The following BTRC variants were observed in gnomAD, a reference collection of about 807,000 sequenced individuals.
The protein encoded by BTRC is F-box/WD repeat-containing protein 1A.
Under a neutral mutation model 85.5 loss-of-function variants are expected in BTRC, and 42 were observed. The observed-to-expected ratio is 0.49, with a 90% confidence interval of 0.38 to 0.64. The LOEUF (loss-of-function observed/expected upper bound fraction) is 0.64. Ranked by LOEUF, BTRC falls within the 30% of genes least tolerant of loss-of-function variation. BTRC has a pLI of 0.00. For synonymous variants in BTRC, 255 were observed against 263.3 expected (o/e 0.97, Z 0.30); for missense variants, 594 against 743.5 (o/e 0.80, Z 2.34).
chr10:101,364,369 T>A (rs549926509), intron 1 of BTRC, among the ~76,000 whole-genome samples: 9 of 152,298 alleles, frequency 5.9e-5, no homozygotes, highest in East Asian at 5.8e-4. Context: ...ATCATGGTGC[T>A]ATTCTTCTAT....
chr10:101,529,991 G>A (rs1273486617), intron 6 of BTRC, among the ~76,000 whole-genome samples: 2 of 152,208 alleles, frequency 1.3e-5, no homozygotes, highest in Non-Finnish European at 2.9e-5. Context: ...TCCACACCGT[G>A]TTTGGTGGGT....
intron 1 of BTRC, among the ~76,000 whole-genome samples, chr10:101,360,211 C>T (rs1003685053): frequency 1.3e-5 from 2 of 151,892 alleles, no homozygotes; most frequent in Non-Finnish European, 2.9e-5. Flanking sequence ...TGTGCCACCA[C>T]GCCCAGCTAA....
In BTRC at chr10:101,545,088, C is replaced by G. The variant is rs3127236; in HGVS notation, c.1657-5611C>G. On this transcript the variant is annotated intron_variant, in intron 13 of 14. Coordinates refer to ENST00000370187, the MANE Select transcript of BTRC (RefSeq NM_033637.4). ...AGAAAAAAAGCTAGATTGACAGTGT[C>G]TTTCAGCACTTTAATGATGTCATTC... is the stretch of plus-strand genomic sequence containing the variant. Among the ~76,000 whole-genome samples the G allele has an allele frequency of 3.3e-3, 504 of 152,014 alleles. 5 individuals carry two copies. The highest frequency in any genetic ancestry group is 0.012 in the African/African-American group (484 of 41,500).
intron 2 of BTRC, among the ~76,000 whole-genome samples, chr10:101,448,654 A>C (rs1298273026): frequency 6.6e-6 from 1 of 152,038 alleles, no homozygotes; most frequent in African/African-American, 2.4e-5. Context: ...ATTTTCTCTC[A>C]TTCTAGTTTT....
intron 3 of BTRC, among the ~76,000 whole-genome samples, chr10:101,470,488 A>T (rs1366552918): frequency 6.6e-6 from 1 of 151,916 alleles, no homozygotes; most frequent in Non-Finnish European, 1.5e-5. Flanking sequence ...ATGCGCCACC[A>T]CATGCTAATT....
At chr10:101,507,295 C>T (rs968155479) in intron 4 of BTRC, among the ~76,000 whole-genome samples, 1 of 152,170 alleles carries the variant, frequency 6.6e-6, no homozygotes, top group African/African-American at 2.4e-5. Flanking sequence ...GAAACATAAA[C>T]ACAGCGCTCA....
At chr10:101,434,478 A>G (rs567710393) in intron 2 of BTRC, among the ~76,000 whole-genome samples, 1 of 152,332 alleles carries the variant, frequency 6.6e-6, no homozygotes, top group South Asian at 2.1e-4. Context: ...AACATGTATA[A>G]AACTAATAGA....
At chr10:101,495,876 A>G (rs1946246316) in intron 4 of BTRC, among the ~76,000 whole-genome samples, 1 of 143,694 alleles carries the variant, frequency 7.0e-6, no homozygotes. Flanking sequence ...GAGAAATGAA[A>G]AGACCATTAC....
In BTRC at chr10:101,532,804, G is replaced by GCGCA. The variant is rs1227338914; in HGVS notation, c.979-145_979-144insACGC. The stretch of plus-strand genomic sequence containing the variant: ...TGTGTGTGTGTGCGCGTGTGCGCGC[G>GCGCA]CGCGCGCTTAGCTATACCTATAGAA... On this transcript the variant is annotated intron_variant, in intron 8 of 14. Transcript: ENST00000370187. 4.1e-5 allele frequency: 27 copies of GCGCA among 657,416 alleles called. No individual in the cohort carries two copies. The African/African-American group carries it at 4.4e-4, about 11-fold the overall frequency. 40.7% of individuals were successfully genotyped at this position (657,416 alleles called of 1,614,324 possible).
rs1246010494 is a variant in BTRC at position 101,540,185 on chromosome 10, A to G, written c.1656+1814A>G. On this transcript the variant is annotated intron_variant, in intron 13 of 14. Coordinates refer to ENST00000370187, the MANE Select transcript of BTRC (RefSeq NM_033637.4). ...ATGTTACTTGCTGTTGTATCTCAGA[A>G]AAACCTTTGACTAATCCAGAGTCAC... is the stretch of plus-strand genomic sequence containing the variant. Among the ~76,000 whole-genome samples the G allele has an allele frequency of 2.0e-5, 3 of 152,206 alleles. 1 individual carries two copies. The South Asian group carries it at 6.2e-4, about 31-fold the overall frequency.
At chr10:101,503,593 C>G (rs1442661031) in intron 4 of BTRC, among the ~76,000 whole-genome samples, 1 of 152,134 alleles carries the variant, frequency 6.6e-6, no homozygotes, top group East Asian at 1.9e-4. Context: ...AAAGTTTTAC[C>G]TGAAGATAAC....
At chr10:101,469,767 T>C (rs4297403) in intron 3 of BTRC, among the ~76,000 whole-genome samples, 39,942 of 152,094 alleles carry the variant, frequency 0.26, 6,321 homozygotes, top group South Asian at 0.4. Flanking sequence ...CTACTTATTT[T>C]CTGCACCACC....
chr10:101,362,106 A>ATG (rs1230873580), intron 1 of BTRC, among the ~76,000 whole-genome samples: 4 of 151,952 alleles, frequency 2.6e-5, no homozygotes, highest in East Asian at 1.9e-4. Flanking sequence ...GATTACAGGC[A>ATG]CGTACCACCA....
chr10:101,375,128 A>G (rs1942755927), intron 1 of BTRC, among the ~76,000 whole-genome samples: 1 of 152,186 alleles, frequency 6.6e-6, no homozygotes, highest in Admixed American at 6.5e-5. Flanking sequence ...TCTCATGTCT[A>G]ATTATAATCC....
intron 3 of BTRC, 108 bp from the exon 4 acceptor site, chr10:101,479,260 A>T: frequency 1.3e-6 from 1 of 794,006 alleles, no homozygotes; most frequent in South Asian, 1.7e-5. Flanking sequence ...TAACTTATAG[A>T]TAAAATCTAT....
chr10:101,440,279 C>T (rs1349856105), intron 2 of BTRC, among the ~76,000 whole-genome samples: 1 of 151,682 alleles, frequency 6.6e-6, no homozygotes, highest in Non-Finnish European at 1.5e-5. Flanking sequence ...CTTAAAACAA[C>T]ATATATATTT....
At chr10:101,466,840 C>T (rs1945385187) in intron 3 of BTRC, among the ~76,000 whole-genome samples, 1 of 152,090 alleles carries the variant, frequency 6.6e-6, no homozygotes, top group African/African-American at 2.4e-5. Context: ...CCTTTTCTAC[C>T]ATATTCCCCT....
chr10:101,540,312 G>T (rs181453867), intron 13 of BTRC, among the ~76,000 whole-genome samples: 47 of 152,316 alleles, frequency 3.1e-4, no homozygotes, highest in Admixed American at 1.4e-3. Flanking sequence ...GGTACAAGGT[G>T]TAGATCAAAG....
intron 1 of BTRC, among the ~76,000 whole-genome samples, chr10:101,390,192 A>C (rs971152929): frequency 6.6e-6 from 1 of 152,086 alleles, no homozygotes; most frequent in Non-Finnish European, 1.5e-5. Context: ...GAAGTCACTC[A>C]CTTTCTTTTT....
Sources: gnomAD v4.1 joint callset for allele counts (sites outside exome capture counted in the v4.1 genomes callset) on GRCh38, gnomAD v4.1.1 for gene constraint, MANE v1.5 for transcripts, NCBI Gene and HGNC (gene_info 2026-07-23, HGNC 2026-07-21) for gene names.